The following NRXN1 variants were observed in gnomAD, a reference collection of about 807,000 sequenced individuals.
NRXN1 encodes neurexin-1.
Under a neutral mutation model 150.9 loss-of-function variants are expected in NRXN1, and 39 were observed. The observed-to-expected ratio is 0.26, with a 90% CI of 0.20 to 0.34. NRXN1 has a LOEUF of 0.34. Among genes scored for constraint, NRXN1 ranks in the 10% least tolerant of loss-of-function variants. NRXN1 has a pLI of 1.00. For missense variants in NRXN1, 1,815 were observed against 1,949.9 expected (o/e 0.93, Z 1.30); for synonymous variants, 924 against 757.0 (o/e 1.22, Z -3.62).
At chr2:50,680,896 T>G (rs1376207241) in intron 5 of NRXN1, among the ~76,000 whole-genome samples, 1 of 152,154 alleles carries the variant, frequency 6.6e-6, no homozygotes, top group Admixed American at 6.5e-5. Context: ...CAGGCAAGCA[T>G]TGAGACCTGC....
intron 21 of NRXN1, among the ~76,000 whole-genome samples, chr2:49,977,019 G>A (rs977730399): frequency 6.6e-6 from 1 of 152,036 alleles, no homozygotes; most frequent in Non-Finnish European, 1.5e-5. Flanking sequence ...AATGGTGTAG[G>A]GCTAAAGACA....
chr2:49,970,770 T>G (rs1374914028), intron 21 of NRXN1, among the ~76,000 whole-genome samples: 4 of 152,146 alleles, frequency 2.6e-5, no homozygotes, highest in Non-Finnish European at 5.9e-5. Flanking sequence ...TGCACAAAGA[T>G]TATTGTTTAT....
At chr2:50,130,500 T>C (rs1340709331) in intron 18 of NRXN1, among the ~76,000 whole-genome samples, 1 of 152,134 alleles carries the variant, frequency 6.6e-6, no homozygotes, top group African/African-American at 2.4e-5. Context: ...GGTTAAAATC[T>C]TAACTAGAAA....
intron 5 of NRXN1, among the ~76,000 whole-genome samples, chr2:50,804,690 T>C (rs1181212479): frequency 6.6e-6 from 1 of 152,142 alleles, no homozygotes; most frequent in Non-Finnish European, 1.5e-5. Flanking sequence ...AAATGTCCCC[T>C]TTTTTTCTTT....
chr2:50,310,568 C>T (rs1273662322), intron 17 of NRXN1, among the ~76,000 whole-genome samples: 1 of 152,078 alleles, frequency 6.6e-6, no homozygotes, highest in Non-Finnish European at 1.5e-5. Flanking sequence ...CCTCAAATGA[C>T]TCTTATTAAA....
intron 5 of NRXN1, among the ~76,000 whole-genome samples, chr2:50,659,724 CCTTTTT>C (rs895180077): frequency 5.3e-5 from 8 of 150,420 alleles, no homozygotes; most frequent in Non-Finnish European, 8.9e-5. Context: ...ATTTTAGCTT[CCTTTTT>C]CTTTTTTTTT....
At chr2:50,030,347 T>C (rs1199117122) in intron 21 of NRXN1, among the ~76,000 whole-genome samples, 1 of 152,108 alleles carries the variant, frequency 6.6e-6, no homozygotes, top group African/African-American at 2.4e-5. Flanking sequence ...CTGCATGCCA[T>C]ACTTTTCAGA....
At chr2:50,014,098 T>G (rs1438162048) in intron 21 of NRXN1, among the ~76,000 whole-genome samples, 3 of 151,808 alleles carry the variant, frequency 2.0e-5, no homozygotes, top group Admixed American at 6.6e-5. Context: ...AGAGCTTGTT[T>G]TTTTTTTGTT....
intron 21 of NRXN1, among the ~76,000 whole-genome samples, chr2:49,948,614 A>G (rs1174091980): frequency 6.6e-6 from 1 of 152,004 alleles, no homozygotes; most frequent in Non-Finnish European, 1.5e-5. Flanking sequence ...GTAGGGGAAG[A>G]AAATCAAATT....
chr2:50,775,519 A>G (rs2105476768), intron 5 of NRXN1, among the ~76,000 whole-genome samples: 1 of 152,290 alleles, frequency 6.6e-6, no homozygotes, highest in South Asian at 2.1e-4. Flanking sequence ...CCACTAACAC[A>G]TGCTTTGAGA....
At chr2:50,011,828 G>A (rs1212882496) in intron 21 of NRXN1, among the ~76,000 whole-genome samples, 1 of 152,034 alleles carries the variant, frequency 6.6e-6, no homozygotes, top group African/African-American at 2.4e-5. Flanking sequence ...TTGGAGATAG[G>A]TGGATGTTAA....
At chr2:50,692,937 G>T (rs1692278619) in intron 5 of NRXN1, among the ~76,000 whole-genome samples, 1 of 152,176 alleles carries the variant, frequency 6.6e-6, no homozygotes. Flanking sequence ...AAAGAGCAAT[G>T]TGGGAAGACA....
At chr2:49,987,867 A>T (rs1681205401) in intron 21 of NRXN1, among the ~76,000 whole-genome samples, 1 of 152,100 alleles carries the variant, frequency 6.6e-6, no homozygotes, top group Non-Finnish European at 1.5e-5. Context: ...CATATCAGGC[A>T]ATATTTTAAG....
At chr2:50,600,398 C>A (rs1489337402) in intron 8 of NRXN1, among the ~76,000 whole-genome samples, 3 of 145,586 alleles carry the variant, frequency 2.1e-5, no homozygotes, top group Admixed American at 1.4e-4. Flanking sequence ...CATCTTGGCT[C>A]ACTGCAACCT....
At chr2:50,257,838 A>C (rs913717720) in intron 17 of NRXN1, among the ~76,000 whole-genome samples, 5 of 152,064 alleles carry the variant, frequency 3.3e-5, no homozygotes, top group Non-Finnish European at 5.9e-5. Flanking sequence ...TCAAATGATA[A>C]AATTAAAATA....
At chr2:50,602,537 T>G (rs1342745712) in intron 8 of NRXN1, among the ~76,000 whole-genome samples, 1 of 152,154 alleles carries the variant, frequency 6.6e-6, no homozygotes, top group Non-Finnish European at 1.5e-5. Flanking sequence ...TTTTTAAATT[T>G]TGTACATTAT....
At chr2:50,139,719 G>C (rs1192315804) in intron 18 of NRXN1, among the ~76,000 whole-genome samples, 4 of 152,138 alleles carry the variant, frequency 2.6e-5, no homozygotes, top group Non-Finnish European at 5.9e-5. Flanking sequence ...GATGTAATTG[G>C]AAATGTTAAA....
At chr2:50,702,762 T>C (rs1024944681) in intron 5 of NRXN1, among the ~76,000 whole-genome samples, 5 of 152,160 alleles carry the variant, frequency 3.3e-5, no homozygotes, top group Non-Finnish European at 5.9e-5. Flanking sequence ...GTTTTGCTTT[T>C]TTGTCTGGAC....
At chr2:50,163,176 ATAT>A (rs1340938594) in intron 18 of NRXN1, among the ~76,000 whole-genome samples, 3 of 148,228 alleles carry the variant, frequency 2.0e-5, no homozygotes, top group African/African-American at 7.4e-5. Flanking sequence ...ATATATATAT[ATAT>A]ATATATAAAA....
Sources: allele counts gnomAD v4.1 joint callset (sites outside exome capture counted in the v4.1 genomes callset), GRCh38; gene constraint gnomAD v4.1.1; transcripts MANE v1.5; gene names NCBI Gene and HGNC (gene_info 2026-07-23, HGNC 2026-07-21).